STAC: variants seen among roughly 807,000 people sequenced by gnomAD.
The protein encoded by STAC is SH3 and cysteine rich domain, also known as SH3 and cysteine-rich domain-containing protein.
STAC carries 43 observed loss-of-function variants against 48.8 expected under a neutral mutation model. That is an observed-to-expected ratio of 0.88 (90% CI 0.69 to 1.14). The LOEUF (loss-of-function observed/expected upper bound fraction) is 1.14. Among genes scored for constraint, STAC ranks in the 50% most tolerant of loss-of-function variants. STAC has a pLI of 0.00. For missense variants in STAC, 497 were observed against 504.0 expected (o/e 0.99, Z 0.13); for synonymous variants, 193 against 179.5 (o/e 1.07, Z -0.60).
Position 36,489,209 on chromosome 3 carries a change from T to A in STAC, c.687+2960T>A, listed in dbSNP as rs372404554. ...ATAAATACTGAGTATCTAGTGAGTA[T>A]CTAGGTCCCGTTCCTTATTCATCTC... On this transcript the variant is annotated intron_variant, in intron 5 of 10. Coordinates refer to ENST00000273183, the MANE Select transcript of STAC (RefSeq NM_003149.3). 5.1e-4 allele frequency among the ~76,000 whole-genome samples: 77 copies of A among 152,300 alleles called. 1 individual carries two copies. Among genetic ancestry groups the A allele is most frequent in the African/African-American group, 1.6e-3 (67 of 41,550 alleles).
intron 2 of STAC, among the ~76,000 whole-genome samples, chr3:36,465,329 G>A (rs1270473288): frequency 1.3e-5 from 2 of 152,056 alleles, no homozygotes; most frequent in Non-Finnish European, 2.9e-5. Flanking sequence ...TTCCTGATTT[G>A]TTTGAGTTCC....
chr3:36,438,047 C>T (rs192369406), intron 1 of STAC, among the ~76,000 whole-genome samples: 3,484 of 151,754 alleles, frequency 0.023, 59 homozygotes, highest in East Asian at 0.026. Context: ...AAGCAATTCT[C>T]CTGCCTCAGC....
intron 1 of STAC, among the ~76,000 whole-genome samples, chr3:36,414,800 T>C (rs1461701849): frequency 6.6e-6 from 1 of 152,220 alleles, no homozygotes; most frequent in Non-Finnish European, 1.5e-5. Context: ...CTTTGTGGTT[T>C]TATCTACCTT....
intron 1 of STAC, among the ~76,000 whole-genome samples, chr3:36,392,256 G>A (rs1182938333): frequency 6.6e-6 from 1 of 152,132 alleles, no homozygotes; most frequent in African/African-American, 2.4e-5. Flanking sequence ...CTACTCTCTA[G>A]AATTCACTTT....
chr3:36,506,072 G>A (rs1698396002), intron 8 of STAC: 3 of 336,884 alleles, frequency 8.9e-6, no homozygotes, highest in Non-Finnish European at 1.6e-5. Context: ...TTCCCAGGTG[G>A]CACTGACAAT....
At chr3:36,459,630 T>C (rs1696949570) in intron 2 of STAC, among the ~76,000 whole-genome samples, 1 of 152,226 alleles carries the variant, frequency 6.6e-6, no homozygotes, top group African/African-American at 2.4e-5. Flanking sequence ...AATCAAATGG[T>C]TTCATGATTT....
chr3:36,536,727 A>G (rs1317623620), intron 10 of STAC, among the ~76,000 whole-genome samples: 1 of 152,202 alleles, frequency 6.6e-6, no homozygotes, highest in African/African-American at 2.4e-5. Context: ...AGAAACTATC[A>G]GAGTGAACAG....
chr3:36,497,454 G>C lies in STAC; in HGVS notation c.766+4225G>C, dbSNP rs185840161. On this transcript the variant is annotated intron_variant, in intron 6 of 10. Coordinates refer to ENST00000273183, the MANE Select transcript of STAC (RefSeq NM_003149.3). ...GGAATGGCAATAAAACATGAATTCA[G>C]AGATACAAGCAGGTAAAGGATTTAC... Among the ~76,000 whole-genome samples the C allele has an allele frequency of 4.6e-5, 7 of 152,272 alleles. No homozygotes were observed. In the East Asian group the frequency reaches 7.7e-4, roughly 17 times the overall value.
At chr3:36,409,214 AAC>A (rs1474480880) in intron 1 of STAC, among the ~76,000 whole-genome samples, 1 of 152,192 alleles carries the variant, frequency 6.6e-6, no homozygotes. Flanking sequence ...CCAGTTTGAA[AAC>A]ACAGAGTAAG....
chr3:36,397,900 T>A (rs1018047924), intron 1 of STAC, among the ~76,000 whole-genome samples: 11 of 151,766 alleles, frequency 7.2e-5, no homozygotes, highest in Admixed American at 4.6e-4. Flanking sequence ...GACTTTTGCA[T>A]GCAGCAGGCA....
In STAC at chr3:36,546,943, C is replaced by A. The variant is rs1170235759; in HGVS notation, c.*654C>A. 6.6e-6 allele frequency: 1 copy of A among 152,638 alleles called. No homozygotes were observed. Among genetic ancestry groups the A allele is most frequent in the Non-Finnish European group, 1.5e-5 (1 of 68,422 alleles). The allele number at this position is 152,638 out of a possible 1,614,324, so 9.5% of individuals were successfully genotyped here. On this transcript the variant is annotated 3_prime_UTR_variant, in exon 11 of 11. Coordinates refer to ENST00000273183, the MANE Select transcript of STAC (RefSeq NM_003149.3). ...GTTGACATGGCATCACCTCCAAAGA[C>A]CTGACCTGCCTAAAGACTGATGACA... is the stretch of plus-strand genomic sequence containing the variant.
chr3:36,431,804 A>G (rs2125653863), intron 1 of STAC, among the ~76,000 whole-genome samples: 2 of 152,196 alleles, frequency 1.3e-5, no homozygotes, highest in Middle Eastern at 6.8e-3. Flanking sequence ...CCCTCATGGC[A>G]GCCTCCCCTC....
chr3:36,468,154 T>A (rs990775772), intron 2 of STAC, among the ~76,000 whole-genome samples: 2 of 152,146 alleles, frequency 1.3e-5, no homozygotes, highest in Non-Finnish European at 2.9e-5. Flanking sequence ...TTTGCATGGT[T>A]TCAAGGGTTC....
intron 2 of STAC, among the ~76,000 whole-genome samples, chr3:36,458,214 ACT>A (rs1696904795): frequency 6.6e-6 from 1 of 152,106 alleles, no homozygotes; most frequent in East Asian, 1.9e-4. Flanking sequence ...GTTCAACTGA[ACT>A]TGGACTAGGG....
Position 36,527,596 on chromosome 3 carries a change from A to T in STAC, c.921-1100A>T, listed in dbSNP as rs145149919. Reference sequence around the variant, plus strand: ...TGTAAGTGTGTAAGAAAGACAAAAAATGTGAGGATGGATTCAGAAGGTCCA... The same window carrying T: ...TGTAAGTGTGTAAGAAAGACAAAAATTGTGAGGATGGATTCAGAAGGTCCA... On this transcript the variant is annotated intron_variant, in intron 8 of 10. Transcript: ENST00000273183. 5.6e-4 allele frequency among the ~76,000 whole-genome samples: 86 copies of T among 152,326 alleles called. No individual in the cohort carries two copies. In the East Asian group the frequency reaches 0.015, roughly 26 times the overall value.
chr3:36,419,546 G>A (rs572074221), intron 1 of STAC, among the ~76,000 whole-genome samples: 4 of 152,258 alleles, frequency 2.6e-5, no homozygotes, highest in African/African-American at 9.6e-5. Context: ...TTCTTCTTAG[G>A]AGAAAGGGAG....
In STAC at chr3:36,531,327, T is replaced by C. The variant is rs986709549; in HGVS notation, c.1110+2342T>C. On this transcript the variant is annotated intron_variant, in intron 10 of 10. Coordinates refer to ENST00000273183, the MANE Select transcript of STAC (RefSeq NM_003149.3). ...TCATGATGGTAAGAATTAGGAACAA[T>C]TGCACAAACAACGGAAGTGATTAAC... Among the ~76,000 whole-genome samples the C allele has an allele frequency of 7.2e-5, 11 of 152,272 alleles. 1 individual carries two copies. In the Middle Eastern group the frequency reaches 0.01, roughly 141 times the overall value.
chr3:36,468,748 A>ATGTG (rs1319667238), intron 2 of STAC, among the ~76,000 whole-genome samples: 5 of 138,856 alleles, frequency 3.6e-5, no homozygotes, highest in African/African-American at 1.4e-4. Context: ...TAAAATACAT[A>ATGTG]TATGTGTGTG....
At chr3:36,427,652 A>T (rs1404551835) in intron 1 of STAC, among the ~76,000 whole-genome samples, 1 of 152,190 alleles carries the variant, frequency 6.6e-6, no homozygotes, top group Non-Finnish European at 1.5e-5. Context: ...TTCAGCTAAT[A>T]TTTATTGAGC....
Sources: allele counts gnomAD v4.1 joint callset (sites outside exome capture counted in the v4.1 genomes callset), GRCh38; gene constraint gnomAD v4.1.1; transcripts MANE v1.5; gene names NCBI Gene and HGNC (gene_info 2026-07-23, HGNC 2026-07-21).